STS: variants seen among roughly 807,000 people sequenced by gnomAD.
STS encodes the protein steroid sulfatase.
STS carries 7 observed loss-of-function variants against 26.8 expected under a neutral mutation model. That is an observed-to-expected ratio of 0.26 (90% CI 0.15 to 0.49). STS has a LOEUF of 0.49. Ranked by LOEUF, STS falls within the 20% of genes least tolerant of loss-of-function variation. The pLI, the probability that STS is intolerant of heterozygous loss-of-function variation, is 0.98. For missense variants in STS, 434 were observed against 465.6 expected (o/e 0.93, Z 0.63); for synonymous variants, 199 against 189.4 (o/e 1.05, Z -0.42).
At chrX:7,334,147 C>A (rs780703096) in intron 10 of STS, 40 bp downstream of exon 10, 2 of 1,210,015 alleles carry the variant, frequency 1.7e-6, no homozygotes. Context: ...ATGCTCCGTG[C>A]AACCTATGCC....
At chrX:7,285,900 A>G (rs1289734889) in intron 7 of STS, among the ~76,000 whole-genome samples, 2 of 112,013 alleles carry the variant, frequency 1.8e-5, no homozygotes, top group Non-Finnish European at 3.8e-5. Flanking sequence ...ATCTATGGCC[A>G]CTGAATCCCT....
intron 1 of STS, among the ~76,000 whole-genome samples, chrX:7,162,297 G>C (rs1197749002): frequency 9.0e-6 from 1 of 111,513 alleles, no homozygotes; most frequent in Non-Finnish European, 1.9e-5. Context: ...CTCACCTCAG[G>C]TGTTTTCTGT....
At chrX:7,258,372 A>G (rs1404629346) in intron 5 of STS, among the ~76,000 whole-genome samples, 5 of 111,428 alleles carry the variant, frequency 4.5e-5, no homozygotes, top group African/African-American at 1.6e-4. Context: ...AGGCAATTGG[A>G]TGGATGAAAT....
At chrX:7,326,785 G>C (rs1247927124) in intron 9 of STS, among the ~76,000 whole-genome samples, 1 of 111,736 alleles carries the variant, frequency 8.9e-6, no homozygotes, top group Admixed American at 9.5e-5. Flanking sequence ...GAAGAGGAAA[G>C]GGGAAAGGAA....
chrX:7,164,855 A>AC (rs1491554109), intron 1 of STS, among the ~76,000 whole-genome samples: 5 of 58,206 alleles, frequency 8.6e-5, no homozygotes, highest in Non-Finnish European at 1.7e-4. Flanking sequence ...AAAAAAAAAA[A>AC]ACACACACAC....
At chrX:7,240,575 G>T (rs1274193242) in intron 2 of STS, among the ~76,000 whole-genome samples, 1 of 95,413 alleles carries the variant, frequency 1.0e-5, no homozygotes, top group Non-Finnish European at 2.1e-5. Context: ...TTCTATGATG[G>T]CATCTTGGTG....
chrX:7,198,299 C>T (rs2147023591), intron 2 of STS, among the ~76,000 whole-genome samples: 1 of 111,368 alleles, frequency 9.0e-6, no homozygotes, highest in African/African-American at 3.3e-5. Context: ...GTGGGTTCTT[C>T]TTGCTGTCTT....
At chrX:7,297,294 T>C (rs1925713144) in intron 7 of STS, among the ~76,000 whole-genome samples, 1 of 107,145 alleles carries the variant, frequency 9.3e-6, no homozygotes, top group African/African-American at 3.4e-5. Flanking sequence ...AGATCCCCAC[T>C]CTAGGTTTAC....
chrX:7,219,826 T>A, intron 2 of STS: 1 of 767,291 alleles, frequency 1.3e-6, no homozygotes, highest in Non-Finnish European at 1.9e-6. Context: ...AATCTGTTTT[T>A]GCTTGGTAAT....
At chrX:7,169,084 C>G (rs1288486061) in intron 1 of STS, among the ~76,000 whole-genome samples, 8 of 111,386 alleles carry the variant, frequency 7.2e-5, no homozygotes, top group African/African-American at 2.6e-4. Context: ...GGTTCTACAA[C>G]ATTTTCATCA....
rs945487641 is a variant in STS, at chrX:7,186,060, G to A, written c.-133-4820G>A. 3.6e-5 allele frequency among the ~76,000 whole-genome samples: 4 copies of A among 111,912 alleles called. No homozygotes were observed. In the Admixed American group the frequency reaches 3.8e-4, roughly 11 times the overall value. ...GACTTGTGAAAATGTTTATTCAGTC[G>A]TAAAAGCCACAAGAGCCAATTCTCC... On this transcript the variant is annotated intron_variant, in intron 1 of 10. Transcript: ENST00000674429.
At chrX:7,330,510 A>G (rs1927697294) in intron 9 of STS, among the ~76,000 whole-genome samples, 1 of 112,632 alleles carries the variant, frequency 8.9e-6, no homozygotes, top group African/African-American at 3.2e-5. Context: ...AATTAAAACA[A>G]AATTTGACTT....
chrX:7,317,612 G>A lies in STS; in HGVS notation c.1082-7727G>A, dbSNP rs1361527864. Reference sequence around the variant, plus strand: ...GCCTCCCATGTAGCTGGGACTAGAGGCATGCACCACCATGCTTGGCTTTTT... The same window carrying A: ...GCCTCCCATGTAGCTGGGACTAGAGACATGCACCACCATGCTTGGCTTTTT... On this transcript the variant is annotated intron_variant, in intron 8 of 10. Coordinates refer to ENST00000674429, the MANE Select transcript of STS (RefSeq NM_001320752.2). Among the ~76,000 whole-genome samples the A allele has an allele frequency of 7.2e-5, 8 of 111,121 alleles. No homozygotes were observed. In the East Asian group the frequency reaches 1.1e-3, roughly 16 times the overall value.
In STS at chrX:7,326,527, G is replaced by A. The variant is rs776619499; in HGVS notation, c.1241+1029G>A. ...TGCTGTAACAGGGAGAAATGCAGCC[G>A]GGTCCCCAGCTAAGGCCCCATTTCC... is the stretch of plus-strand genomic sequence containing the variant. On this transcript the variant is annotated intron_variant, in intron 9 of 10. Coordinates refer to ENST00000674429, the MANE Select transcript of STS (RefSeq NM_001320752.2). Among the ~76,000 whole-genome samples, 11 of 111,510 alleles carry A rather than the reference G, an allele frequency of 9.9e-5. No individual in the cohort carries two copies. In the South Asian group the frequency reaches 3.4e-3, roughly 35 times the overall value.
intron 2 of STS, among the ~76,000 whole-genome samples, chrX:7,205,522 C>G (rs1374426414): frequency 9.0e-6 from 1 of 111,709 alleles, no homozygotes; most frequent in Non-Finnish European, 1.9e-5. Context: ...ATTCAGGGGC[C>G]AATGCAACTG....
At chrX:7,253,697 G>A (rs1304853449) in intron 3 of STS, among the ~76,000 whole-genome samples, 1 of 111,454 alleles carries the variant, frequency 9.0e-6, no homozygotes, top group Admixed American at 9.5e-5. Flanking sequence ...TTGGTTATGG[G>A]TCTGTACTAC....
At chrX:7,214,279 G>A (rs2147041593) in intron 2 of STS, among the ~76,000 whole-genome samples, 1 of 111,663 alleles carries the variant, frequency 9.0e-6, no homozygotes, top group Non-Finnish European at 1.9e-5. Context: ...TGCAAAATTA[G>A]TAACTCTGGC....
chrX:7,206,923 T>C (rs1489154314), intron 2 of STS, among the ~76,000 whole-genome samples: 2 of 112,541 alleles, frequency 1.8e-5, no homozygotes, highest in East Asian at 5.6e-4. Context: ...AAATTACACC[T>C]TGGGCTTGGG....
intron 7 of STS, among the ~76,000 whole-genome samples, chrX:7,303,063 T>C (rs1228936103): frequency 9.0e-6 from 1 of 111,568 alleles, no homozygotes; most frequent in Non-Finnish European, 1.9e-5. Context: ...AAATCTCATC[T>C]TGAATTGTAG....
Sources: gnomAD v4.1 joint callset for allele counts (sites outside exome capture counted in the v4.1 genomes callset) on GRCh38, gnomAD v4.1.1 for gene constraint, MANE v1.5 for transcripts, NCBI Gene and HGNC (gene_info 2026-07-23, HGNC 2026-07-21) for gene names.